The following DPP10 variants were observed in gnomAD, a reference collection of about 807,000 sequenced individuals.
DPP10 encodes the protein inactive dipeptidyl peptidase 10.
Under a neutral mutation model 120.9 loss-of-function variants are expected in DPP10, and 33 were observed. The observed-to-expected ratio is 0.27, with a 90% confidence interval of 0.21 to 0.37. The LOEUF is 0.37. Among genes scored for constraint, DPP10 ranks in the 10% least tolerant of loss-of-function variants. The probability of loss-of-function intolerance (pLI) is 1.00; values close to 1 mark genes in which losing one functional copy is unlikely to be tolerated. For missense variants in DPP10, 816 were observed against 942.8 expected, an observed-to-expected ratio of 0.87 and a Z score of 1.76; for synonymous variants, 337 against 326.1, an observed-to-expected ratio of 1.03 and a Z score of -0.36.
chr2:115,835,252 T>C (rs1219137702), intron 21 of DPP10, among the ~76,000 whole-genome samples: 1 of 151,400 alleles, frequency 6.6e-6, no homozygotes, highest in East Asian at 1.9e-4. Flanking sequence ...CAAAGAATTG[T>C]CTTATACCTC....
At position 115,712,543 on chromosome 2, in the gene DPP10, A is replaced by ATGTATATATAT. The variant is rs56675119; in HGVS notation, c.577-15273_577-15272insTGTATATATAT. On this transcript the variant is annotated intron_variant, in intron 7 of 25. Coordinates refer to ENST00000410059, the MANE Select transcript of DPP10 (RefSeq NM_020868.6). ...AATAGCTTTGAAGAGTCCTGAATTA[A>ATGTATATATAT]ATATATATATATATATATATATAAA... Among the ~76,000 whole-genome samples, 2 of 64,276 alleles carry ATGTATATATAT rather than the reference A, an allele frequency of 3.1e-5. 1 individual carries two copies. The highest frequency in any genetic ancestry group is 5.8e-5 in the Non-Finnish European group (2 of 34,308). 42.2% of individuals were successfully genotyped at this position (64,276 alleles called of 152,430 possible).
chr2:115,249,731 G>A (rs1231309099), intron 1 of DPP10, among the ~76,000 whole-genome samples: 1 of 151,986 alleles, frequency 6.6e-6, no homozygotes, highest in Non-Finnish European at 1.5e-5. Context: ...AGAATTAAGG[G>A]AACTTTGATT....
chr2:115,448,318 A>G (rs1352382297), intron 3 of DPP10, among the ~76,000 whole-genome samples: 2 of 152,208 alleles, frequency 1.3e-5, no homozygotes, highest in Non-Finnish European at 2.9e-5. Context: ...TAAGAAGATA[A>G]TCAATTAAAA....
chr2:115,827,796 C>T (rs537622085), intron 21 of DPP10, among the ~76,000 whole-genome samples: 4 of 151,730 alleles, frequency 2.6e-5, no homozygotes, highest in Admixed American at 6.6e-5. Context: ...GGGGTTTCAC[C>T]GTTATGGCCA....
chr2:115,480,014 A>G (rs532772579), intron 3 of DPP10, among the ~76,000 whole-genome samples: 141 of 152,166 alleles, frequency 9.3e-4, no homozygotes, highest in African/African-American at 3.3e-3. Context: ...GTTGAGAGCT[A>G]CCCCTTCAAC....
At chr2:115,840,318 G>T (rs2922064) in intron 24 of DPP10, among the ~76,000 whole-genome samples, 23,724 of 30,826 alleles carry the variant, frequency 0.77, 9,778 homozygotes, top group South Asian at 0.93. Flanking sequence ...AAGGTTTTTT[G>T]GTTTTTTTTT....
chr2:114,684,988 T>G (rs1699271035), intron 1 of DPP10, among the ~76,000 whole-genome samples: 1 of 151,944 alleles, frequency 6.6e-6, no homozygotes, highest in South Asian at 2.1e-4. Context: ...TGTATGGAGG[T>G]TAACAACAAT....
At position 115,519,636 on chromosome 2, in the gene DPP10, A is replaced by G. The variant is rs546081687; in HGVS notation, c.367-6262A>G. Among the ~76,000 whole-genome samples the G allele has an allele frequency of 2.6e-5, 4 of 152,348 alleles. No individual in the cohort carries two copies. In the South Asian group the frequency reaches 6.2e-4, roughly 24 times the overall value. ...TCAAGCCTTTGTTTACAGCTAAATT[A>G]TAAAAGCTATTTGCTTCTTTTCTGT... On this transcript the variant is annotated intron_variant, in intron 4 of 25. Coordinates refer to ENST00000410059, the MANE Select transcript of DPP10 (RefSeq NM_020868.6).
chr2:115,691,608 C>T (rs1224930810), intron 7 of DPP10, among the ~76,000 whole-genome samples: 3 of 152,064 alleles, frequency 2.0e-5, no homozygotes, highest in Non-Finnish European at 4.4e-5. Context: ...TTAAAATAAG[C>T]TTTACTAGCT....
intron 1 of DPP10, among the ~76,000 whole-genome samples, chr2:115,043,466 C>T (rs1057462667): frequency 2.0e-5 from 3 of 152,214 alleles, no homozygotes; most frequent in African/African-American, 7.2e-5. Flanking sequence ...TGTAGTTACG[C>T]ATTTAAAAAG....
At chr2:115,586,326 C>T (rs994051709) in intron 5 of DPP10, among the ~76,000 whole-genome samples, 1 of 151,794 alleles carries the variant, frequency 6.6e-6, no homozygotes, top group Non-Finnish European at 1.5e-5. Flanking sequence ...GACTCTATCT[C>T]GATAATAATA....
chr2:115,503,552 A>T (rs2076792539), intron 4 of DPP10, among the ~76,000 whole-genome samples: 3 of 152,160 alleles, frequency 2.0e-5, no homozygotes. Context: ...GATTATCAGA[A>T]AATTCGATTG....
chr2:114,761,158 C>T (rs1284440230), intron 1 of DPP10, among the ~76,000 whole-genome samples: 2 of 152,150 alleles, frequency 1.3e-5, no homozygotes, highest in Non-Finnish European at 2.9e-5. Context: ...ACTCCAAACC[C>T]TTTGTGCTTT....
chr2:115,546,683 A>G (rs1304416449), intron 5 of DPP10, among the ~76,000 whole-genome samples: 2 of 152,140 alleles, frequency 1.3e-5, no homozygotes, highest in African/African-American at 4.8e-5. Context: ...GCAATATCAC[A>G]TGCACTCAGC....
rs1233048922 is a variant in DPP10 at position 114,518,051 on chromosome 2, G to A, written c.60+75213G>A. Among the ~76,000 whole-genome samples, 3 of 148,648 alleles carry A rather than the reference G, an allele frequency of 2.0e-5. No individual in the cohort carries two copies. In the East Asian group the frequency reaches 5.9e-4, roughly 29 times the overall value. On this transcript the variant is annotated intron_variant, in intron 1 of 25. Coordinates refer to ENST00000410059, the MANE Select transcript of DPP10 (RefSeq NM_020868.6). ...GTTTTAGGATTTCAAAAACAATCAG[G>A]ACTAGTATGAGCTATTCATTTTTTT...
intron 3 of DPP10, among the ~76,000 whole-genome samples, chr2:115,477,010 C>T (rs2075129601): frequency 1.3e-5 from 2 of 152,094 alleles, no homozygotes; most frequent in African/African-American, 4.8e-5. Flanking sequence ...TAAAAGAAAA[C>T]TATTTCAATA....
At chr2:115,004,276 A>G (rs1199680143) in intron 1 of DPP10, among the ~76,000 whole-genome samples, 1 of 152,264 alleles carries the variant, frequency 6.6e-6, no homozygotes, top group Non-Finnish European at 1.5e-5. Context: ...TATAGTTTAC[A>G]GTGATCTATA....
At chr2:115,009,338 C>T (rs948780779) in intron 1 of DPP10, among the ~76,000 whole-genome samples, 1 of 150,754 alleles carries the variant, frequency 6.6e-6, no homozygotes, top group Non-Finnish European at 1.5e-5. Context: ...AACAAAAAAC[C>T]AAACACCACA....
chr2:115,173,021 C>G (rs545854376), intron 1 of DPP10, among the ~76,000 whole-genome samples: 2 of 152,266 alleles, frequency 1.3e-5, no homozygotes, highest in Admixed American at 1.3e-4. Flanking sequence ...TTTCTTATCA[C>G]GCAGAGAAGT....
Sources: allele counts gnomAD v4.1 joint callset (sites outside exome capture counted in the v4.1 genomes callset), GRCh38; gene constraint gnomAD v4.1.1; transcripts MANE v1.5; gene names NCBI Gene and HGNC (gene_info 2026-07-23, HGNC 2026-07-21).